The following ELP3 variants were observed in gnomAD, a reference collection of about 807,000 sequenced individuals.
The protein encoded by ELP3 is elongator acetyltransferase complex subunit 3, also known as elongator complex protein 3.
In ELP3, 56 loss-of-function variants were observed where a neutral mutation model predicts 74.9. That is an observed-to-expected ratio of 0.75 (90% CI 0.60 to 0.93). The LOEUF (loss-of-function observed/expected upper bound fraction) is 0.93, where lower values mean the gene tolerates loss of function less well. ELP3 is among the 40% of genes least tolerant of loss of function. ELP3 has a pLI of 0.00. For missense variants in ELP3, 573 were observed against 686.5 expected, an observed-to-expected ratio of 0.83 and a Z score of 1.85; for synonymous variants, 222 against 239.8, an observed-to-expected ratio of 0.93 and a Z score of 0.68.
chr8:28,164,027 C>T (rs1371335734), intron 14 of ELP3, among the ~76,000 whole-genome samples: 2 of 152,230 alleles, frequency 1.3e-5, no homozygotes, highest in Non-Finnish European at 2.9e-5. Context: ...CAGTGCTACA[C>T]TCCCAGAGTC....
chr8:28,093,621 A>G (rs1389879989), intron 1 of ELP3: 1 of 225,706 alleles, frequency 4.4e-6, no homozygotes, highest in East Asian at 1.2e-4. Context: ...TAAGATATTA[A>G]AAAAACCTTA....
At position 28,121,926 on chromosome 8, in the gene ELP3, G is replaced by T. The variant is rs146630373; in HGVS notation, c.618-7576G>T. On this transcript the variant is annotated intron_variant, in intron 7 of 14. Transcript: ENST00000256398. ...CTCTGTCTTGTTCCCAGTGATACAG[G>T]GAAAACATTTTTATTTCAGTATTAA... Among the ~76,000 whole-genome samples, 36 of 152,238 alleles carry T rather than the reference G, an allele frequency of 2.4e-4. 1 individual carries two copies. The highest frequency in any genetic ancestry group is 2.4e-3 in the Admixed American group (36 of 15,302).
intron 12 of ELP3, among the ~76,000 whole-genome samples, chr8:28,158,944 C>T (rs1384766522): frequency 1.3e-5 from 2 of 152,180 alleles, no homozygotes; most frequent in South Asian, 2.1e-4. Context: ...TGAGCACTTG[C>T]AATATGGCTT....
chr8:28,158,771 G>GGT lies in ELP3; in HGVS notation c.1257+141_1257+142dup. ...AGAGACTAATCGAGGATTAGATACC[G>GGT]GTGTCAAACCGTGAAAGCCAAATAC... On this transcript the variant is annotated intron_variant, in intron 12 of 14. Transcript: ENST00000256398. 3 of 698,424 alleles carry GGT rather than the reference G, an allele frequency of 4.3e-6. No individual in the cohort carries two copies. The Admixed American group carries it at 8.1e-5, about 19-fold the overall frequency. 43.3% of individuals were successfully genotyped at this position (698,424 alleles called of 1,614,324 possible).
intron 9 of ELP3, among the ~76,000 whole-genome samples, chr8:28,135,449 C>G (rs1812949230): frequency 3.3e-5 from 5 of 152,144 alleles, no homozygotes; most frequent in Admixed American, 2.0e-4. Flanking sequence ...GCTGAGTGGC[C>G]TGAGTATATC....
chr8:28,158,610 C>A lies in ELP3; in HGVS notation c.1234C>A (p.His412Asn). 3.9e-6 allele frequency: 6 copies of A among 1,522,036 alleles called. No individual in the cohort carries two copies. Among genetic ancestry groups the A allele is most frequent in the South Asian group, 1.1e-5 (1 of 90,014 alleles). The allele number at this position is 1,522,036 out of a possible 1,614,324, so 94.3% of individuals were successfully genotyped here. A position where few individuals can be genotyped will look rare whatever the true frequency, so the allele number is the denominator to read the frequency against. The change falls in exon 12 of 15, where the codon CAT becomes AAT. Residue 412 changes from histidine to asparagine, a missense_variant. His to Asn is a moderately conservative substitution (Grantham distance 68, BLOSUM62 1). Coordinates refer to ENST00000256398, the MANE Select transcript of ELP3 (RefSeq NM_018091.6). ...RTREVGIQEI[H>N]HKVRPYQVEL... ...CAGAGAAGTTGGAATCCAAGAAATTCATCACAAAGTACGGCCATACCAGGT... is the reference window on the plus strand; with the variant it reads ...CAGAGAAGTTGGAATCCAAGAAATTAATCACAAAGTACGGCCATACCAGGT...
At chr8:28,095,446 T>A (rs966548445) in intron 1 of ELP3, among the ~76,000 whole-genome samples, 1 of 152,188 alleles carries the variant, frequency 6.6e-6, no homozygotes, top group African/African-American at 2.4e-5. Flanking sequence ...TCCTCTTCCC[T>A]TCTCCCTTCC....
Position 28,113,040 on chromosome 8 carries a change from G to A in ELP3, c.484G>A (p.Val162Met). 6.2e-7 allele frequency: 1 copy of A among 1,613,478 alleles called. No individual in the cohort carries two copies. The highest frequency in any genetic ancestry group is 8.5e-7 in the Non-Finnish European group (1 of 1,179,754). ...TCAGTTAAAACAACTTGGTCATAGT[G>A]TGGATAAAGTGGAGTTTATTGTGAT... is the stretch of plus-strand genomic sequence containing the variant. Reference protein sequence around the residue: ...IEQLKQLGHSVDKVEFIVMGG... With the variant: ...IEQLKQLGHSMDKVEFIVMGG... Residue 162 changes from valine (V) to methionine (M), a missense_variant, in exon 7 of 15, where the codon GTG (valine) becomes ATG (methionine). Physicochemically the swap from Val to Met is conservative, Grantham distance 21. Transcript: ENST00000256398.
intron 7 of ELP3, among the ~76,000 whole-genome samples, chr8:28,121,685 A>G (rs553721534): frequency 6.6e-6 from 1 of 152,334 alleles, no homozygotes; most frequent in Admixed American, 6.5e-5. Context: ...TTATATATTA[A>G]TGTTATGTCA....
At chr8:28,096,347 C>T (rs1189064622) in intron 1 of ELP3, among the ~76,000 whole-genome samples, 1 of 152,256 alleles carries the variant, frequency 6.6e-6, no homozygotes, top group African/African-American at 2.4e-5. Flanking sequence ...AACCACCCTG[C>T]TCCCCTGGTC....
chr8:28,112,271 G>A (rs1811947768), intron 6 of ELP3, among the ~76,000 whole-genome samples: 1 of 152,018 alleles, frequency 6.6e-6, no homozygotes, highest in African/African-American at 2.4e-5. Context: ...AGCCTCCAGA[G>A]TAGCTGGGAT....
rs1813938957 is a variant in ELP3, at chr8:28,158,588, A to T, written c.1212A>T (p.Arg404Ser). The change falls in exon 12 of 15, where the codon AGA becomes AGT. Residue 404 changes from arginine to serine, a missense_variant. Transcript: ENST00000256398. ...GACAGTGTCGAGATGTGAGAACCAG[A>T]GAAGTTGGAATCCAAGAAATTCATC... Reference protein sequence around the residue: ...LGIQCRDVRTREVGIQEIHHK... With the variant: ...LGIQCRDVRTSEVGIQEIHHK... The T allele has an allele frequency of 6.2e-7, 1 of 1,611,116 alleles. No individual in the cohort carries two copies. Among genetic ancestry groups the T allele is most frequent in the Non-Finnish European group, 8.5e-7 (1 of 1,178,704 alleles).
chr8:28,112,149 ATT>A (rs879545522), intron 6 of ELP3, among the ~76,000 whole-genome samples: 1 of 147,710 alleles, frequency 6.8e-6, no homozygotes, highest in Admixed American at 6.8e-5. Flanking sequence ...TATTATTATT[ATT>A]TTTTTTTTTT....
chr8:28,128,122 C>T (rs780313397), intron 7 of ELP3, among the ~76,000 whole-genome samples: 5 of 151,990 alleles, frequency 3.3e-5, no homozygotes, highest in Non-Finnish European at 4.4e-5. Flanking sequence ...TCATCCTCCC[C>T]CCAAAATTGA....
Position 28,147,335 on chromosome 8 carries a change from C to G in ELP3, c.1101-8607C>G, listed in dbSNP as rs759962868. Among the ~76,000 whole-genome samples the G allele has an allele frequency of 1.3e-5, 2 of 152,178 alleles. No individual in the cohort carries two copies. Among genetic ancestry groups the G allele is most frequent in the East Asian group, 3.8e-4 (2 of 5,198 alleles). On this transcript the variant is annotated intron_variant, in intron 10 of 14. Transcript: ENST00000256398. This position sits in a 1 kb window ranked among gnomAD's most constrained non-coding sequence, Gnocchi z 4.5. ...AGCGTGGCCAGCAGCGTGCCTGGCA[C>G]CTGACTGATGCAGAGGTAAGGAGAG...
At chr8:28,142,705 T>C (rs546835267) in intron 10 of ELP3, among the ~76,000 whole-genome samples, 5 of 152,312 alleles carry the variant, frequency 3.3e-5, no homozygotes, top group Admixed American at 2.0e-4. Flanking sequence ...TGCTTTAGGA[T>C]TGATAATGTA....
intron 14 of ELP3, among the ~76,000 whole-genome samples, chr8:28,168,131 G>A (rs146414437): frequency 7.2e-5 from 11 of 152,292 alleles, no homozygotes; most frequent in African/African-American, 2.4e-4. Flanking sequence ...GTAGTACACC[G>A]CACATCAAGT....
At chr8:28,118,052 C>G (rs955242692) in intron 7 of ELP3, among the ~76,000 whole-genome samples, 3 of 152,196 alleles carry the variant, frequency 2.0e-5, no homozygotes, top group Non-Finnish European at 4.4e-5. Context: ...GCGTAGCCCA[C>G]TGCTCTTAGA....
chr8:28,115,741 T>C (rs780259929), intron 7 of ELP3, among the ~76,000 whole-genome samples: 3 of 152,156 alleles, frequency 2.0e-5, no homozygotes, highest in Non-Finnish European at 2.9e-5. Context: ...GAGCCTAACT[T>C]TGCAAGCTGT....
Sources: gnomAD v4.1 joint callset for allele counts (sites outside exome capture counted in the v4.1 genomes callset) on GRCh38, gnomAD v4.1.1 for gene constraint, Gnocchi (gnomAD v3.1) non-coding constraint, MANE v1.5 for transcripts, NCBI Gene and HGNC (gene_info 2026-07-23, HGNC 2026-07-21) for gene names.